ADARB1: variants seen among roughly 807,000 people sequenced by gnomAD.
The protein encoded by ADARB1 is adenosine deaminase RNA specific B1.
ADARB1 carries 10 observed loss-of-function variants against 52.4 expected under a neutral mutation model. That is an observed-to-expected ratio of 0.19 (90% CI 0.12 to 0.32). The LOEUF is 0.32. ADARB1 is among the 10% of genes least tolerant of loss of function. ADARB1 has a pLI of 1.00. For missense variants in ADARB1, 643 were observed against 922.3 expected (o/e 0.70, Z 3.92); for synonymous variants, 349 against 371.1 (o/e 0.94, Z 0.68).
chr21:45,100,038 C>T (rs1212685024), intron 1 of ADARB1, among the ~76,000 whole-genome samples: 2 of 152,196 alleles, frequency 1.3e-5, no homozygotes, highest in Non-Finnish European at 2.9e-5. Context: ...GTGAACTGAA[C>T]CAGCCAAGCT....
At chr21:45,127,798 C>G (rs768651791) in intron 1 of ADARB1, among the ~76,000 whole-genome samples, 10 of 152,094 alleles carry the variant, frequency 6.6e-5, no homozygotes, top group Non-Finnish European at 1.3e-4. Flanking sequence ...TATCAGTTTG[C>G]TTTTCAGGAA....
rs2092990705 is a variant in ADARB1, at chr21:45,222,908, G to A, written c.*711G>A. The stretch of plus-strand genomic sequence containing the variant: ...CTGCAGAGGCGTGACCCAGGCCCCT[G>A]TAGCCCTCAGCCTCCTCTAGAAGCT... On this transcript the variant is annotated 3_prime_UTR_variant, in exon 11 of 11. Transcript: ENST00000348831. 1.0e-6 allele frequency: 1 copy of A among 985,508 alleles called. No homozygotes were observed. The allele number at this position is 985,508 out of a possible 1,614,324, so 61.0% of individuals were successfully genotyped here. A position where few individuals can be genotyped will look rare whatever the true frequency, so the allele number is the denominator to read the frequency against.
intron 1 of ADARB1, among the ~76,000 whole-genome samples, chr21:45,083,728 T>G (rs921305107): frequency 6.6e-6 from 1 of 152,210 alleles, no homozygotes; most frequent in East Asian, 1.9e-4. Context: ...AGCGTCTTGC[T>G]TTGTTGCTCA....
rs1418975273 is a variant in ADARB1 at position 45,225,545 on chromosome 21, A to G, written c.*3348A>G. The G allele has an allele frequency of 5.2e-6, 7 of 1,339,156 alleles. No homozygotes were observed. The highest frequency in any genetic ancestry group is 6.8e-6 in the Non-Finnish European group (7 of 1,032,996). The allele number at this position is 1,339,156 out of a possible 1,614,324, so 83.0% of individuals were successfully genotyped here. ...AGTGTCTCTCCTTGTAATCTCACAC[A>G]GGTACACTGAGGAGGGGACGGCTCC... On this transcript the variant is annotated 3_prime_UTR_variant, in exon 11 of 11. Transcript: ENST00000348831.
At chr21:45,077,973 C>T (rs150471356) in intron 1 of ADARB1, among the ~76,000 whole-genome samples, 14 of 152,276 alleles carry the variant, frequency 9.2e-5, no homozygotes, top group South Asian at 2.1e-4. Context: ...CAGGGCTTAC[C>T]GCACCTTCCA....
chr21:45,221,587 CA>C lies in ADARB1; in HGVS notation c.1927-430del, dbSNP rs2092965001. Among the ~76,000 whole-genome samples, 1 of 152,166 alleles carries C rather than the reference CA, an allele frequency of 6.6e-6. No homozygotes were observed. The highest frequency in any genetic ancestry group is 1.5e-5 in the Non-Finnish European group (1 of 68,024). ...GGACAGTGCCCGGGAGGGTCCTGTT[CA>C]CCAGGGGCAGCACCCAGGCCAGCTG... On this transcript the variant is annotated intron_variant, in intron 10 of 10. Transcript: ENST00000348831. The surrounding 1 kb of genome is among the most constrained non-coding windows in gnomAD (Gnocchi z 4.9).
At chr21:45,164,435 C>T (rs1283642591) in intron 2 of ADARB1, among the ~76,000 whole-genome samples, 2 of 151,758 alleles carry the variant, frequency 1.3e-5, no homozygotes, top group East Asian at 2.0e-4. Context: ...TGGAGGAGAC[C>T]GAGCCTGCCC....
intron 1 of ADARB1, among the ~76,000 whole-genome samples, chr21:45,109,496 T>C (rs1190615783): frequency 6.6e-6 from 1 of 152,250 alleles, no homozygotes; most frequent in African/African-American, 2.4e-5. Context: ...CCTTTCCTTA[T>C]CAGTCTGGAG....
intron 2 of ADARB1, chr21:45,137,144 G>T (rs1746467900): frequency 6.6e-6 from 1 of 152,234 alleles, no homozygotes; most frequent in African/African-American, 2.4e-5. Flanking sequence ...AGACTGGTGT[G>T]TGTGTAAAAG....
chr21:45,140,608 C>CTT (rs2089667836), intron 2 of ADARB1, among the ~76,000 whole-genome samples: 1 of 152,072 alleles, frequency 6.6e-6, no homozygotes, highest in Non-Finnish European at 1.5e-5. Context: ...AACCTCTTGT[C>CTT]TTTACACCAT....
chr21:45,137,028 G>A (rs2145874932), intron 2 of ADARB1: 1 of 152,258 alleles, frequency 6.6e-6, no homozygotes, highest in South Asian at 2.1e-4. Flanking sequence ...CACACTGTTG[G>A]GTGTAAAATC....
chr21:45,084,576 A>T (rs776845569), intron 1 of ADARB1, among the ~76,000 whole-genome samples: 40 of 152,216 alleles, frequency 2.6e-4, no homozygotes, highest in Non-Finnish European at 4.3e-4. Flanking sequence ...GTTGTCTTGA[A>T]TTAAATTGAG....
chr21:45,139,237 T>C (rs1270990153), intron 2 of ADARB1, among the ~76,000 whole-genome samples: 4 of 152,174 alleles, frequency 2.6e-5, no homozygotes, highest in Non-Finnish European at 5.9e-5. Flanking sequence ...GTCTTCTGTG[T>C]TACCAAAGTA....
At chr21:45,152,808 G>C (rs1386642925) in intron 2 of ADARB1, 1 of 180,854 alleles carries the variant, frequency 5.5e-6, no homozygotes, top group Non-Finnish European at 1.2e-5. Context: ...TAATCTTGCT[G>C]ATGCCAGTTA....
chr21:45,100,376 T>C (rs1307756088), intron 1 of ADARB1: 1 of 152,228 alleles, frequency 6.6e-6, no homozygotes, highest in African/African-American at 2.4e-5. Context: ...AGAGCAGCAG[T>C]GCATTTCCTA....
chr21:45,225,581 T>G lies in ADARB1; in HGVS notation c.*3384T>G. 1 of 1,332,986 alleles carries G rather than the reference T, an allele frequency of 7.5e-7. No homozygotes were observed. Among genetic ancestry groups the G allele is most frequent in the East Asian group, 2.8e-5 (1 of 35,888 alleles). 82.6% of individuals were successfully genotyped at this position (1,332,986 alleles called of 1,614,324 possible). On this transcript the variant is annotated 3_prime_UTR_variant, in exon 11 of 11. Transcript: ENST00000348831. Reference sequence around the variant, plus strand: ...GGAGGGGACGGCTCCGTCTTCACATTGTGCACAGATCTGAGGATGGGATTA... The same window carrying G: ...GGAGGGGACGGCTCCGTCTTCACATGGTGCACAGATCTGAGGATGGGATTA...
At chr21:45,217,523 A>T (rs1047892789) in intron 9 of ADARB1, among the ~76,000 whole-genome samples, 1 of 152,194 alleles carries the variant, frequency 6.6e-6, no homozygotes, top group African/African-American at 2.4e-5. Flanking sequence ...TATTGTTTTC[A>T]GACACTTTTG....
intron 1 of ADARB1, among the ~76,000 whole-genome samples, chr21:45,081,919 G>T (rs1198455572): frequency 6.6e-6 from 1 of 152,228 alleles, no homozygotes; most frequent in Non-Finnish European, 1.5e-5. Context: ...GCCAGGTCCT[G>T]CAGACTCTCA....
In ADARB1 at chr21:45,224,558, ACTG is replaced by A. The variant is rs2093026449; in HGVS notation, c.*2362_*2364del. ...CTGGGCGGGGCGGCTGTTGGGGGGA[ACTG>A]GGTTCGGGGTGCCCTGGGCAGGGGG... is the stretch of plus-strand genomic sequence containing the variant. On this transcript the variant is annotated 3_prime_UTR_variant, in exon 11 of 11. Transcript: ENST00000348831. 3.5e-6 allele frequency: 1 copy of A among 282,194 alleles called. No homozygotes were observed. Among genetic ancestry groups the A allele is most frequent in the African/African-American group, 1.2e-4 (1 of 8,170 alleles). The allele number at this position is 282,194 out of a possible 1,614,324, so 17.5% of individuals were successfully genotyped here.
Sources: gnomAD v4.1 joint callset for allele counts (sites outside exome capture counted in the v4.1 genomes callset) on GRCh38, gnomAD v4.1.1 for gene constraint, Gnocchi (gnomAD v3.1) non-coding constraint, MANE v1.5 for transcripts, NCBI Gene and HGNC (gene_info 2026-07-23, HGNC 2026-07-21) for gene names.